CCDC148: variants seen among roughly 807,000 people sequenced by gnomAD.
CCDC148 encodes the protein coiled-coil domain containing 148, also known as coiled-coil domain-containing protein 148.
CCDC148 carries 89 observed loss-of-function variants against 85.7 expected under a neutral mutation model. The ratio of observed to expected loss-of-function variants is 1.04; its 90% CI spans 0.87 to 1.24. The LOEUF is 1.24. Ranked by LOEUF, CCDC148 falls within the 50% of genes most tolerant of loss-of-function variation. The pLI, the probability that CCDC148 is intolerant of heterozygous loss-of-function variation, is 0.00. For synonymous variants in CCDC148, 230 were observed against 213.9 expected, an observed-to-expected ratio of 1.08 and a Z score of -0.66; for missense variants, 692 against 671.7, an observed-to-expected ratio of 1.03 and a Z score of -0.33.
chr2:158,441,640 T>A (rs927717048), intron 1 of CCDC148, among the ~76,000 whole-genome samples: 2 of 152,218 alleles, frequency 1.3e-5, no homozygotes, highest in Admixed American at 6.5e-5. Flanking sequence ...TTTAATTCTT[T>A]CTTTTGTTGA....
chr2:158,381,400 T>C (rs1340914605), intron 1 of CCDC148, among the ~76,000 whole-genome samples: 1 of 152,092 alleles, frequency 6.6e-6, no homozygotes, highest in Non-Finnish European at 1.5e-5. Flanking sequence ...AAATCCAATT[T>C]AAAACCACAG....
intron 1 of CCDC148, among the ~76,000 whole-genome samples, chr2:158,385,554 C>T (rs939298838): frequency 6.6e-6 from 1 of 152,118 alleles, no homozygotes; most frequent in Admixed American, 6.6e-5. Flanking sequence ...AGGAAATAGA[C>T]ATTGGTAGAA....
chr2:158,183,412 A>G (rs964941055), intron 11 of CCDC148, among the ~76,000 whole-genome samples: 10 of 152,140 alleles, frequency 6.6e-5, no homozygotes, highest in African/African-American at 2.4e-4. Context: ...CTGAAACTTC[A>G]GTGAGAACCG....
chr2:158,416,322 G>A (rs141312021), intron 1 of CCDC148, among the ~76,000 whole-genome samples: 1 of 152,144 alleles, frequency 6.6e-6, no homozygotes, highest in African/African-American at 2.4e-5. Flanking sequence ...TATTTTCTTG[G>A]CTATTAACAT....
intron 9 of CCDC148, among the ~76,000 whole-genome samples, chr2:158,258,014 A>T (rs1689077810): frequency 6.6e-6 from 1 of 151,908 alleles, no homozygotes; most frequent in East Asian, 1.9e-4. Flanking sequence ...ATCACTTCCC[A>T]GTTCTGGGCC....
intron 2 of CCDC148, among the ~76,000 whole-genome samples, chr2:158,346,707 T>C (rs1683012732): frequency 6.6e-6 from 1 of 152,174 alleles, no homozygotes; most frequent in South Asian, 2.1e-4. Context: ...ATTTCATAAT[T>C]TCTCTGCTGT....
chr2:158,227,948 T>C (rs1386191586), intron 10 of CCDC148, among the ~76,000 whole-genome samples: 2 of 151,944 alleles, frequency 1.3e-5, no homozygotes, highest in East Asian at 1.9e-4. Context: ...AAAGACAAAA[T>C]TGACAAATGG....
At chr2:158,362,468 C>T (rs1683998843) in intron 1 of CCDC148, among the ~76,000 whole-genome samples, 1 of 152,156 alleles carries the variant, frequency 6.6e-6, no homozygotes, top group African/African-American at 2.4e-5. Flanking sequence ...TTATAGCAGT[C>T]TCTCAGATCA....
chr2:158,396,314 T>C (rs889927835), intron 1 of CCDC148, among the ~76,000 whole-genome samples: 1 of 152,102 alleles, frequency 6.6e-6, no homozygotes, highest in African/African-American at 2.4e-5. Context: ...GATTTAGTAG[T>C]AGCTGTCATT....
chr2:158,221,998 T>A (rs1321400400), intron 10 of CCDC148, among the ~76,000 whole-genome samples: 1 of 152,158 alleles, frequency 6.6e-6, no homozygotes, highest in African/African-American at 2.4e-5. Context: ...GATACGGAAA[T>A]GTTAGCAATG....
At chr2:158,452,818 A>G (rs1339683647) in intron 1 of CCDC148, among the ~76,000 whole-genome samples, 2 of 152,198 alleles carry the variant, frequency 1.3e-5, no homozygotes, top group African/African-American at 4.8e-5. Flanking sequence ...TCTATTACAC[A>G]TACCAGATGT....
intron 7 of CCDC148, among the ~76,000 whole-genome samples, chr2:158,325,851 T>C (rs979121454): frequency 6.6e-5 from 10 of 152,220 alleles, no homozygotes; most frequent in African/African-American, 2.4e-5. Context: ...CAGGTGCTGT[T>C]GGCTCTGCCT....
At chr2:158,204,555 A>AGC (rs1055677156) in intron 11 of CCDC148, among the ~76,000 whole-genome samples, 12 of 152,086 alleles carry the variant, frequency 7.9e-5, no homozygotes, top group Middle Eastern at 3.4e-3. Flanking sequence ...GACCATGCAA[A>AGC]GCTCCAAATG....
rs1215477281 is a variant in CCDC148, at chr2:158,456,397, G to C, written c.25+18C>G. ...GTCAGGAGGAAGCAGCGATGGAAGG[G>C]ATGGGGTGCAAACTCACCTGGAGAA... On this transcript the variant is annotated intron_variant, in intron 1 of 13. Transcript: ENST00000283233. 4.3e-6 allele frequency: 7 copies of C among 1,610,960 alleles called. No homozygotes were observed. The highest frequency in any genetic ancestry group is 1.7e-5 in the Admixed American group (1 of 59,662).
At chr2:158,254,502 G>T (rs1688930580) in intron 9 of CCDC148, among the ~76,000 whole-genome samples, 1 of 151,432 alleles carries the variant, frequency 6.6e-6, no homozygotes, top group African/African-American at 2.4e-5. Context: ...ACTTTCATAG[G>T]TTTTAAAATT....
At chr2:158,172,435 A>G (rs1684360576) in intron 13 of CCDC148, among the ~76,000 whole-genome samples, 176 bp from the exon 14 acceptor site, 1 of 152,034 alleles carries the variant, frequency 6.6e-6, no homozygotes, top group Admixed American at 6.6e-5. Flanking sequence ...TGACATTATC[A>G]CTTTTCAGTA....
At chr2:158,371,522 A>T (rs995376050) in intron 1 of CCDC148, among the ~76,000 whole-genome samples, 2 of 151,938 alleles carry the variant, frequency 1.3e-5, no homozygotes, top group South Asian at 4.1e-4. Context: ...TTTATTTTGT[A>T]TTATTTCAAA....
intron 2 of CCDC148, among the ~76,000 whole-genome samples, chr2:158,357,280 T>TA (rs549035789): frequency 5.7e-4 from 85 of 148,882 alleles, no homozygotes; most frequent in Middle Eastern, 3.4e-3. Context: ...CTGGGTGGCT[T>TA]AAAAAAAAAC....
At chr2:158,442,950 G>T (rs944680364) in intron 1 of CCDC148, among the ~76,000 whole-genome samples, 1 of 152,156 alleles carries the variant, frequency 6.6e-6, no homozygotes, top group Non-Finnish European at 1.5e-5. Flanking sequence ...GCCTGCAAAG[G>T]TTTCCATTCT....
Sources: allele counts gnomAD v4.1 joint callset (sites outside exome capture counted in the v4.1 genomes callset), GRCh38; gene constraint gnomAD v4.1.1; transcripts MANE v1.5; gene names NCBI Gene and HGNC (gene_info 2026-07-23, HGNC 2026-07-21).